The following MIA3 variants were observed in gnomAD, a reference collection of about 807,000 sequenced individuals.
MIA3 encodes the protein transport and Golgi organization protein 1 homolog.
Under a neutral mutation model 192.4 loss-of-function variants are expected in MIA3, and 90 were observed. That is an observed-to-expected ratio of 0.47 (90% CI 0.39 to 0.56). The LOEUF is 0.56. MIA3 is among the 20% of genes least tolerant of loss of function. The pLI, the probability that MIA3 is intolerant of heterozygous loss-of-function variation, is 0.00. For synonymous variants in MIA3, 740 were observed against 792.8 expected (o/e 0.93, Z 1.12); for missense variants, 2,123 against 2,269.4 (o/e 0.94, Z 1.31).
At position 222,629,210 on chromosome 1, in the gene MIA3, G is replaced by T; in HGVS notation, c.1990G>T (p.Ala664Ser). The part of the protein sequence containing the change: ...NLPWQQERDV[A>S]ATASKQMSEK... ...TCCCTGGCAACAAGAAAGAGATGTG[G>T]CTGCCACAGCCAGTAAGCAAATGAG... Residue 664 changes from alanine (A) to serine (S), a missense_variant, in exon 4 of 28, where the codon GCT (alanine) becomes TCT (serine). Around this residue, in one of 3 missense-constraint regions of MIA3, gnomAD observed 1,357 missense variants for 1,396.1 expected, o/e 0.97. Transcript: ENST00000344922. 1 of 1,614,208 alleles carries T rather than the reference G, an allele frequency of 6.2e-7. No individual in the cohort carries two copies. The highest frequency in any genetic ancestry group is 2.2e-5 in the East Asian group (1 of 44,888).
intron 19 of MIA3, 64 bp from the exon 20 acceptor site, chr1:222,659,389 A>G: frequency 1.3e-5 from 18 of 1,418,822 alleles, no homozygotes; most frequent in Non-Finnish European, 1.8e-5. Context: ...CGGTTAACAT[A>G]GTCAGATTGT....
chr1:222,650,870 T>A lies in MIA3; in HGVS notation c.3876T>A (p.Ser1292=), dbSNP rs776689420. The A allele has an allele frequency of 2.5e-6, 4 of 1,607,034 alleles. No homozygotes were observed. Among genetic ancestry groups the A allele is most frequent in the Non-Finnish European group, 3.4e-6 (4 of 1,177,068 alleles). The part of the protein sequence containing the change: ...TAKNLRVMLE[S]EREQNVKNQD... Reference sequence around the variant, plus strand: ...AAAATCTTCGTGTTATGCTAGAATCTGAGAGAGAACAGAATGTCAAGAATC... The same window carrying A: ...AAAATCTTCGTGTTATGCTAGAATCAGAGAGAGAACAGAATGTCAAGAATC... The change falls in exon 11 of 28, where the codon TCT becomes TCA. Residue 1292 remains serine (S), a synonymous_variant. Transcript: ENST00000344922.
intron 5 of MIA3, among the ~76,000 whole-genome samples, 194 bp downstream of exon 5, chr1:222,632,520 A>C (rs1662445845): frequency 6.6e-6 from 1 of 152,238 alleles, no homozygotes; most frequent in African/African-American, 2.4e-5. Flanking sequence ...GACTATAACT[A>C]ACCTACAAAC....
intron 24 of MIA3, chr1:222,661,187 T>G (rs1435556493): frequency 1.3e-5 from 2 of 152,696 alleles, no homozygotes; most frequent in African/African-American, 4.8e-5. Context: ...AATAACACCA[T>G]GGGACCCATA....
chr1:222,657,880 C>T (rs1322969357), intron 18 of MIA3, among the ~76,000 whole-genome samples: 2 of 152,096 alleles, frequency 1.3e-5, no homozygotes, highest in Non-Finnish European at 2.9e-5. Context: ...TGTTAATAAC[C>T]CTTTTTACTA....
Position 222,629,574 on chromosome 1 carries a change from T to C in MIA3, c.2354T>C (p.Ile785Thr). ...GAAAGCAAGCAAGAAACTAGTATGA[T>C]TTTGGATAGCGAAAAAACAAGTGAG... ...IEESKQETSMILDSEKTSETA... is the reference protein window; with the variant it reads ...IEESKQETSMTLDSEKTSETA... Residue 785 changes from isoleucine (I) to threonine (T), a missense_variant, in exon 4 of 28, where the codon ATT (isoleucine) becomes ACT (threonine). Physicochemically the swap from Ile to Thr is moderately conservative, Grantham distance 89 (BLOSUM62 -1). Transcript: ENST00000344922. The C allele has an allele frequency of 6.2e-7, 1 of 1,613,954 alleles. No homozygotes were observed. The highest frequency in any genetic ancestry group is 1.1e-5 in the South Asian group (1 of 91,072).
rs768770008 is a variant in MIA3, at chr1:222,652,240, C to A, written c.3994C>A (p.Leu1332Ile). The A allele has an allele frequency of 5.6e-6, 9 of 1,612,758 alleles. No individual in the cohort carries two copies. Among genetic ancestry groups the A allele is most frequent in the Admixed American group, 1.7e-5 (1 of 59,974 alleles). ...ASEFSEVQIA[L>I]NEAKLSEEKV... is the part of the protein sequence containing the mutation. ...TGTTTTGCATTAGGTTCAGATTGCA[C>A]TTAATGAAGCTAAGCTTAGTGAAGA... is the stretch of plus-strand genomic sequence containing the variant. The change falls in exon 13 of 28, where the codon CTT becomes ATT. Residue 1332 changes from leucine to isoleucine, a missense_variant. Physicochemically the swap from Leu to Ile is conservative, Grantham distance 5. Around this residue, in one of 3 missense-constraint regions of MIA3, gnomAD observed 762 missense variants for 856.4 expected, o/e 0.89. Transcript: ENST00000344922.
At position 222,618,104 on chromosome 1, in the gene MIA3, C is replaced by G. The variant is rs1004633236; in HGVS notation, c.-7C>G. 4 of 1,466,208 alleles carry G rather than the reference C, an allele frequency of 2.7e-6. No individual in the cohort carries two copies. Among genetic ancestry groups the G allele is most frequent in the Admixed American group, 2.2e-5 (1 of 45,296 alleles). 90.8% of individuals were successfully genotyped at this position (1,466,208 alleles called of 1,614,324 possible). A position where few individuals can be genotyped will look rare whatever the true frequency, so the allele number is the denominator to read the frequency against. ...CCGCGTCACCGGCTCCCCGAGGTGACCACAACATGGCTGCGGCGCCTGGGC... is the reference window on the plus strand; with the variant it reads ...CCGCGTCACCGGCTCCCCGAGGTGAGCACAACATGGCTGCGGCGCCTGGGC... On this transcript the variant is annotated 5_prime_UTR_variant, in exon 1 of 28. Transcript: ENST00000344922.
In MIA3 at chr1:222,666,166, C is replaced by T. The variant is rs1425172640; in HGVS notation, c.*547C>T. 6.6e-6 allele frequency: 1 copy of T among 152,224 alleles called. No individual in the cohort carries two copies. The highest frequency in any genetic ancestry group is 2.4e-5 in the African/African-American group (1 of 41,452). 9.4% of individuals were successfully genotyped at this position (152,224 alleles called of 1,614,324 possible). A position where few individuals can be genotyped will look rare whatever the true frequency, so the allele number is the denominator to read the frequency against. On this transcript the variant is annotated 3_prime_UTR_variant, in exon 28 of 28. Transcript: ENST00000344922. ...AATATTTCCCAAGTGTCTGTTGACTCATTGGACTGTTATGAGGCTTGTGCC... is the reference window on the plus strand; with the variant it reads ...AATATTTCCCAAGTGTCTGTTGACTTATTGGACTGTTATGAGGCTTGTGCC...
chr1:222,641,006 G>A (rs1177786315), intron 6 of MIA3, among the ~76,000 whole-genome samples: 2 of 152,166 alleles, frequency 1.3e-5, no homozygotes, highest in African/African-American at 2.4e-5. Flanking sequence ...ATTTAAAGCA[G>A]AATGAGTTAC....
rs1197017898 is a variant in MIA3, at chr1:222,629,398, C to G, written c.2178C>G (p.Pro726=). 6.2e-7 allele frequency: 1 copy of G among 1,614,130 alleles called. No individual in the cohort carries two copies. Among genetic ancestry groups the G allele is most frequent in the Non-Finnish European group, 8.5e-7 (1 of 1,180,020 alleles). ...CTAAAGTAGAAGAGGATGATTATCC[C>G]TCTGAAGAACTACTAGAGGATGAAA... is the stretch of plus-strand genomic sequence containing the variant. ...FLSKVEEDDY[P]SEELLEDENA... is the part of the protein sequence containing the mutation. Residue 726 remains proline, a synonymous_variant, in exon 4 of 28, where the codon CCC becomes CCG. Transcript: ENST00000344922.
intron 3 of MIA3, among the ~76,000 whole-genome samples, chr1:222,627,367 G>A (rs1037582129): frequency 6.6e-6 from 1 of 152,200 alleles, no homozygotes; most frequent in African/African-American, 2.4e-5. Flanking sequence ...AGAGAATGAA[G>A]GGAAGCCAGG....
chr1:222,655,122 G>C (rs1487022001), intron 18 of MIA3, among the ~76,000 whole-genome samples: 1 of 152,116 alleles, frequency 6.6e-6, no homozygotes, highest in Non-Finnish European at 1.5e-5. Context: ...CTTTCTTTGT[G>C]GTCAATTATG....
At chr1:222,620,207 AAAT>A (rs1204204664) in intron 1 of MIA3, among the ~76,000 whole-genome samples, 1 of 152,196 alleles carries the variant, frequency 6.6e-6, no homozygotes, top group East Asian at 1.9e-4. Context: ...CTTTTGGAAA[AAAT>A]CTTATTTCTA....
Position 222,658,759 on chromosome 1 carries a change from G to A in MIA3, c.4645G>A (p.Glu1549Lys), listed in dbSNP as rs988599927. ...AGAAGAGTATGAACGGCAAGAAAGA[G>A]AGCACAGGCTGTCAGCTGCAGATGA... ...SQEEYERQER[E>K]HRLSAADEKA... Residue 1549 changes from glutamate to lysine, a missense_variant, in exon 19 of 28, where the codon GAG becomes AAG. Glu to Lys is a moderately conservative substitution (Grantham distance 56, BLOSUM62 1). Coordinates refer to ENST00000344922, the MANE Select transcript of MIA3 (RefSeq NM_198551.4). 1 of 1,612,914 alleles carries A rather than the reference G, an allele frequency of 6.2e-7. No individual in the cohort carries two copies. The highest frequency in any genetic ancestry group is 2.2e-5 in the East Asian group (1 of 44,812).
Position 222,650,678 on chromosome 1 carries a change from T to C in MIA3, c.3765T>C (p.Asn1255=). 4 of 1,599,420 alleles carry C rather than the reference T, an allele frequency of 2.5e-6. No homozygotes were observed. The highest frequency in any genetic ancestry group is 1.3e-5 in the African/African-American group (1 of 74,228). ...ATGTTCAGGAAACCAGGAAACAAAATATGATTCTCTCTGATGAAGCAATTA... is the reference window on the plus strand; with the variant it reads ...ATGTTCAGGAAACCAGGAAACAAAACATGATTCTCTCTGATGAAGCAATTA... ...KKHVQETRKQ[N]MILSDEAIKY... The change falls in exon 10 of 28, where the codon AAT becomes AAC. Residue 1255 remains asparagine, a synonymous_variant. Transcript: ENST00000344922.
At chr1:222,644,616 C>T (rs1308458329) in intron 6 of MIA3, 2 of 1,549,954 alleles carry the variant, frequency 1.3e-6, no homozygotes, top group Non-Finnish European at 8.7e-7. Context: ...GGGAGGGACC[C>T]AAGCTGTCAC....
chr1:222,635,712 G>C (rs2124864389), intron 6 of MIA3, among the ~76,000 whole-genome samples: 1 of 152,292 alleles, frequency 6.6e-6, no homozygotes. Context: ...CCAGAGGTCA[G>C]ACTCGTAGAT....
chr1:222,648,790 ATGTT>A (rs1354115988), intron 7 of MIA3, 35 bp from the exon 8 acceptor site: 2 of 1,119,516 alleles, frequency 1.8e-6, no homozygotes, highest in South Asian at 1.3e-5. Flanking sequence ...TATTAATAAA[ATGTT>A]TGACATCAAA....
Sources: gnomAD v4.1 joint callset for allele counts (sites outside exome capture counted in the v4.1 genomes callset) on GRCh38, gnomAD v4.1.1 for gene constraint, gnomAD v4.1.1 regional missense constraint, MANE v1.5 for transcripts, NCBI Gene and HGNC (gene_info 2026-07-23, HGNC 2026-07-21) for gene names.